The following PUS7 variants were observed in gnomAD, a reference collection of about 807,000 sequenced individuals.
PUS7 encodes pseudouridine synthase 7.
In PUS7, 48 loss-of-function variants were observed where a neutral mutation model predicts 79.8. That is an observed-to-expected ratio of 0.60 (90% CI 0.48 to 0.76). The LOEUF is 0.76. Ranked by LOEUF, PUS7 falls within the 30% of genes least tolerant of loss-of-function variation. PUS7 has a pLI of 0.00. For synonymous variants in PUS7, 286 were observed against 272.2 expected (o/e 1.05, Z -0.50); for missense variants, 729 against 797.6 (o/e 0.91, Z 1.04).
At position 105,457,457 on chromosome 7, in the gene PUS7, C is replaced by G. The variant is rs1445593654; in HGVS notation, c.*333G>C. 1 of 178,342 alleles carries G rather than the reference C, an allele frequency of 5.6e-6. No individual in the cohort carries two copies. Among genetic ancestry groups the G allele is most frequent in the African/African-American group, 2.4e-5 (1 of 42,066 alleles). The allele number at this position is 178,342 out of a possible 1,614,324, so 11.0% of individuals were successfully genotyped here. On this transcript the variant is annotated 3_prime_UTR_variant, in exon 16 of 16. Transcript: ENST00000469408. Reference sequence around the variant, plus strand: ...ATCACAGATGTGTCAAATACTCCTGCTGTCTTTTGAGAATGTAGCAAAACC... The same window carrying G: ...ATCACAGATGTGTCAAATACTCCTGGTGTCTTTTGAGAATGTAGCAAAACC...
At chr7:105,470,471 G>A (rs1823826977) in intron 11 of PUS7, 2 of 398,292 alleles carry the variant, frequency 5.0e-6, no homozygotes, top group East Asian at 3.8e-5. Context: ...CCACATTGAC[G>A]CTTTTCTTGT....
intron 1 of PUS7, among the ~76,000 whole-genome samples, chr7:105,521,487 TC>T (rs1269979349): frequency 6.7e-6 from 1 of 149,114 alleles, no homozygotes; most frequent in Admixed American, 6.7e-5. Context: ...CTGCAGCCCG[TC>T]CACTCCTACT....
At chr7:105,516,335 G>A (rs954386467) in intron 1 of PUS7, among the ~76,000 whole-genome samples, 5 of 152,102 alleles carry the variant, frequency 3.3e-5, no homozygotes, top group South Asian at 2.1e-4. Context: ...GCCTAAAAGC[G>A]GAGAGCATAT....
intron 9 of PUS7, 58 bp downstream of exon 9, chr7:105,480,994 A>C: frequency 1.3e-6 from 2 of 1,553,786 alleles, no homozygotes; most frequent in African/African-American, 1.4e-5. Flanking sequence ...ACCACCACCA[A>C]CAAACCCTGC....
chr7:105,505,108 C>G (rs1031346035), intron 4 of PUS7, among the ~76,000 whole-genome samples: 2 of 150,492 alleles, frequency 1.3e-5, no homozygotes, highest in African/African-American at 4.9e-5. Flanking sequence ...TCAAGAGATT[C>G]TCTTGCCTCA....
intron 9 of PUS7, among the ~76,000 whole-genome samples, chr7:105,473,198 T>C (rs1344852131): frequency 2.6e-5 from 4 of 152,174 alleles, no homozygotes; most frequent in Non-Finnish European, 5.9e-5. Context: ...TTATCATTCT[T>C]GTCAAAATGA....
rs370352321 is a variant in PUS7, at chr7:105,470,854, G to A, written c.1238-6C>T. ...AACCAAGTAGCCCTTTTCAGCTGCGGGGGGAAAAAGCTAGGGTTAAATGAC... is the reference window on the plus strand; with the variant it reads ...AACCAAGTAGCCCTTTTCAGCTGCGAGGGGAAAAAGCTAGGGTTAAATGAC... On this transcript the variant is annotated splice_polypyrimidine_tract_variant and splice_region_variant and intron_variant, in intron 10 of 15. Coordinates refer to ENST00000469408, the MANE Select transcript of PUS7 (RefSeq NM_019042.5). The A allele has an allele frequency of 3.2e-6, 5 of 1,569,678 alleles. No homozygotes were observed. The highest frequency in any genetic ancestry group is 4.3e-6 in the Non-Finnish European group (5 of 1,151,860).
intron 11 of PUS7, among the ~76,000 whole-genome samples, chr7:105,470,067 A>G (rs1823811553): frequency 1.3e-5 from 2 of 152,226 alleles, no homozygotes; most frequent in Admixed American, 1.3e-4. Context: ...TTTTTCTCCC[A>G]TAATTCCACG....
At chr7:105,476,791 T>C (rs1398561164) in intron 9 of PUS7, among the ~76,000 whole-genome samples, 6 of 152,230 alleles carry the variant, frequency 3.9e-5, no homozygotes, top group Non-Finnish European at 7.3e-5. Context: ...TTTGTGATAA[T>C]AGCCTTCCCA....
intron 13 of PUS7, among the ~76,000 whole-genome samples, chr7:105,463,332 C>A (rs866887621): frequency 1.8e-4 from 27 of 152,184 alleles, no homozygotes; most frequent in African/African-American, 6.3e-4. Context: ...TTTCTTCTAA[C>A]TTCTGTTGAC....
chr7:105,469,845 G>A (rs1051805090), intron 11 of PUS7, among the ~76,000 whole-genome samples: 3 of 151,900 alleles, frequency 2.0e-5, no homozygotes, highest in Non-Finnish European at 2.9e-5. Context: ...TGCCCACCTT[G>A]GCCTCCCAAA....
At chr7:105,466,409 T>C (rs1424439619) in intron 12 of PUS7, among the ~76,000 whole-genome samples, 3 of 151,812 alleles carry the variant, frequency 2.0e-5, no homozygotes, top group Non-Finnish European at 2.9e-5. Flanking sequence ...AAGTGTGTGC[T>C]ACTACGCCTG....
intron 6 of PUS7, among the ~76,000 whole-genome samples, chr7:105,493,152 TAA>T (rs1412479657): frequency 3.9e-5 from 6 of 152,352 alleles, no homozygotes; most frequent in East Asian, 1.9e-4. Flanking sequence ...CTTCAGTTTT[TAA>T]AAAGTTATTG....
chr7:105,490,271 A>G (rs1477410936), intron 7 of PUS7, among the ~76,000 whole-genome samples: 2 of 152,132 alleles, frequency 1.3e-5, no homozygotes, highest in Non-Finnish European at 2.9e-5. Context: ...CCATGAAACC[A>G]TTACCATATT....
At chr7:105,474,627 A>AT (rs1302491803) in intron 9 of PUS7, among the ~76,000 whole-genome samples, 10 of 147,396 alleles carry the variant, frequency 6.8e-5, no homozygotes, top group African/African-American at 2.7e-4. Flanking sequence ...AAAAAAAAAA[A>AT]AAAAATAATC....
Position 105,508,458 on chromosome 7 carries a change from C to T in PUS7, c.55G>A (p.Glu19Lys), listed in dbSNP as rs775296146. The T allele has an allele frequency of 1.5e-5, 25 of 1,614,156 alleles. No homozygotes were observed. The highest frequency in any genetic ancestry group is 4.5e-5 in the East Asian group (2 of 44,888). Residue 19 changes from glutamate to lysine, a missense_variant, in exon 2 of 16, where the codon GAA becomes AAA. Transcript: ENST00000469408. ...ACTGGGACTCCACTGTCATTATCTT[C>T]GACAACCAGTGCCCCACGTTTCAGC... ...VSLKRGALVV[E>K]DNDSGVPVEE...
At chr7:105,487,940 T>C (rs1824620964) in intron 7 of PUS7, among the ~76,000 whole-genome samples, 1 of 152,198 alleles carries the variant, frequency 6.6e-6, no homozygotes, top group South Asian at 2.1e-4. Flanking sequence ...CAAATGCCTG[T>C]GTGGCAGAGT....
chr7:105,497,008 A>C, intron 5 of PUS7: 1 of 1,184,956 alleles, frequency 8.4e-7, no homozygotes, highest in Non-Finnish European at 1.1e-6. Context: ...ACAAAAGAGC[A>C]ATGTTTAATT....
chr7:105,489,064 C>T (rs1037477467), intron 7 of PUS7, among the ~76,000 whole-genome samples: 2 of 141,656 alleles, frequency 1.4e-5, no homozygotes, highest in South Asian at 2.3e-4. Context: ...AGGAGAATGG[C>T]GTGAACCCAG....
Sources: allele counts gnomAD v4.1 joint callset (sites outside exome capture counted in the v4.1 genomes callset), GRCh38; gene constraint gnomAD v4.1.1; transcripts MANE v1.5; gene names NCBI Gene and HGNC (gene_info 2026-07-23, HGNC 2026-07-21).